Variants in PDE1C observed in about 807,000 individuals in gnomAD.
PDE1C encodes dual specificity calcium/calmodulin-dependent 3',5'-cyclic nucleotide phosphodiesterase 1C.
A neutral mutation model predicts 93.1 loss-of-function variants in PDE1C; 62 were observed. The observed-to-expected ratio is 0.67, with a 90% CI of 0.54 to 0.82. The LOEUF is 0.82. PDE1C is among the 40% of genes least tolerant of loss of function. The pLI, the probability that PDE1C is intolerant of heterozygous loss-of-function variation, is 0.00. For missense variants in PDE1C, 742 were observed against 884.6 expected, an observed-to-expected ratio of 0.84 and a Z score of 2.04; for synonymous variants, 325 against 310.1, an observed-to-expected ratio of 1.05 and a Z score of -0.50.
At chr7:31,971,293 C>T (rs1001453909) in intron 2 of PDE1C, among the ~76,000 whole-genome samples, 3 of 152,048 alleles carry the variant, frequency 2.0e-5, no homozygotes, top group African/African-American at 7.2e-5. Context: ...GTATATTACC[C>T]TTATTTTATA....
At chr7:31,673,927 C>T in the PDE1C span, among the ~76,000 whole-genome samples, 11 of 152,234 alleles carry the variant, frequency 7.2e-5, no homozygotes, top group Non-Finnish European at 1.5e-4. Context: ...AGGTAGTAAA[C>T]ATCATCATGG....
intron 2 of PDE1C, among the ~76,000 whole-genome samples, chr7:31,945,042 A>T (rs4723119): frequency 0.56 from 85,326 of 151,968 alleles, 24,269 homozygotes; most frequent in Non-Finnish European, 0.59. Context: ...TTGATTATAC[A>T]TCTTTTTAAA....
At chr7:31,734,403 T>G in the PDE1C span, among the ~76,000 whole-genome samples, 4 of 152,146 alleles carry the variant, frequency 2.6e-5, no homozygotes, top group Admixed American at 6.5e-5. Context: ...CGAAGGTCGG[T>G]CCACTTCTCT....
chr7:31,797,932 C>T (rs776858154), intron 16 of PDE1C, among the ~76,000 whole-genome samples: 17 of 151,686 alleles, frequency 1.1e-4, no homozygotes, highest in Non-Finnish European at 1.8e-4. Context: ...AGAGGGGTGC[C>T]TCTTGCACTG....
intron 6 of PDE1C, among the ~76,000 whole-genome samples, chr7:31,870,069 C>G (rs1795747514): frequency 1.3e-5 from 2 of 151,760 alleles, no homozygotes; most frequent in Non-Finnish European, 3.0e-5. Context: ...AAATGAAAAT[C>G]TAAACATATC....
At chr7:32,260,946 A>C (rs1338676748) in intron 1 of PDE1C, among the ~76,000 whole-genome samples, 1 of 152,108 alleles carries the variant, frequency 6.6e-6, no homozygotes, top group African/African-American at 2.4e-5. Flanking sequence ...CCTCATCTCT[A>C]CAAAAATACA....
intron 2 of PDE1C, among the ~76,000 whole-genome samples, chr7:31,941,101 C>A (rs578125798): frequency 1.3e-5 from 2 of 152,082 alleles, no homozygotes; most frequent in Admixed American, 1.3e-4. Flanking sequence ...AGCTGTTCAC[C>A]CAAAGCACAA....
chr7:31,785,083 T>C (rs971567224), intron 16 of PDE1C: 16 of 152,194 alleles, frequency 1.1e-4, no homozygotes, highest in African/African-American at 3.9e-4. Context: ...ATGGGCTTTA[T>C]TTTAAATGAA....
chr7:32,050,828 C>T (rs531659652), intron 2 of PDE1C, among the ~76,000 whole-genome samples: 3 of 152,160 alleles, frequency 2.0e-5, no homozygotes, highest in Non-Finnish European at 2.9e-5. Context: ...GAATGAAAAT[C>T]GCATATGCAC....
intron 2 of PDE1C, among the ~76,000 whole-genome samples, chr7:31,881,724 C>G (rs73092480): frequency 0.14 from 21,543 of 152,138 alleles, 1,820 homozygotes; most frequent in South Asian, 0.19. Flanking sequence ...CTGTGCAACC[C>G]TAGGTAAGTT....
chr7:32,041,648 T>C (rs1400861378), intron 2 of PDE1C, among the ~76,000 whole-genome samples: 1 of 152,232 alleles, frequency 6.6e-6, no homozygotes, highest in Non-Finnish European at 1.5e-5. Context: ...GAGTTATGTA[T>C]TCATGTATGA....
At chr7:32,366,868 C>A (rs191043110) in intron 1 of PDE1C, among the ~76,000 whole-genome samples, 24 of 144,412 alleles carry the variant, frequency 1.7e-4, no homozygotes, top group Admixed American at 3.4e-4. Context: ...ACTAAAAATA[C>A]AAAAAAAAAA....
At chr7:31,842,724 T>A (rs561650583) in intron 9 of PDE1C, among the ~76,000 whole-genome samples, 3 of 152,110 alleles carry the variant, frequency 2.0e-5, no homozygotes, top group African/African-American at 7.2e-5. Flanking sequence ...TTCTTAATTT[T>A]TTCTTTTTAT....
chr7:31,968,515 A>G (rs1474543151), intron 2 of PDE1C, among the ~76,000 whole-genome samples: 7 of 152,068 alleles, frequency 4.6e-5, no homozygotes, highest in African/African-American at 1.7e-4. Context: ...AATCAGTATC[A>G]TGAAAATGGC....
intron 1 of PDE1C, among the ~76,000 whole-genome samples, chr7:32,227,396 G>A (rs1807372648): frequency 6.6e-6 from 1 of 151,976 alleles, no homozygotes; most frequent in South Asian, 2.1e-4. Flanking sequence ...TTCCTTTCTG[G>A]CTCTTATGAA....
chr7:31,796,895 G>C (rs1374900706), intron 16 of PDE1C, among the ~76,000 whole-genome samples: 2 of 151,634 alleles, frequency 1.3e-5, no homozygotes, highest in African/African-American at 4.8e-5. Flanking sequence ...AATTAGTGAA[G>C]TTTTACCCAG....
chr7:31,889,491 CA>C (rs1166812796), intron 2 of PDE1C, among the ~76,000 whole-genome samples: 6 of 152,354 alleles, frequency 3.9e-5, no homozygotes, highest in Non-Finnish European at 7.4e-5. Flanking sequence ...GATACCCAGT[CA>C]AGGGCATCAC....
chr7:31,620,089 A>T, the PDE1C span, among the ~76,000 whole-genome samples: 6 of 152,314 alleles, frequency 3.9e-5, no homozygotes, highest in Middle Eastern at 3.4e-3. Context: ...TTGATTAGGT[A>T]AACAAAGCAG....
At position 32,263,449 on chromosome 7, in the gene PDE1C, T is replaced by C. The variant is rs150178901; in HGVS notation, c.85+35202A>G. On this transcript the variant is annotated intron_variant, in intron 1 of 18. Coordinates refer to the PDE1C transcript ENST00000396193. Reference sequence around the variant, plus strand: ...CTGAACCATGTTAAGATAAGTTACATACATTATGGCCTTTTACCCCTAAAT... The same window carrying C: ...CTGAACCATGTTAAGATAAGTTACACACATTATGGCCTTTTACCCCTAAAT... 3.5e-3 allele frequency among the ~76,000 whole-genome samples: 537 copies of C among 152,268 alleles called. 5 individuals carry two copies. The highest frequency in any genetic ancestry group is 0.012 in the African/African-American group (504 of 41,548).
Sources: gnomAD v4.1 joint callset for allele counts (sites outside exome capture counted in the v4.1 genomes callset) on GRCh38, gnomAD v4.1.1 for gene constraint, MANE v1.5 for transcripts, NCBI Gene and HGNC (gene_info 2026-07-23, HGNC 2026-07-21) for gene names.